Variants in DMD observed in about 807,000 individuals in gnomAD.
DMD encodes dystrophin, also known as mutant dystrophin.
A neutral mutation model predicts 330.1 loss-of-function variants in DMD; 63 were observed. That is an observed-to-expected ratio of 0.19 (90% CI 0.16 to 0.24). The LOEUF is 0.24. Among genes scored for constraint, DMD ranks in the 10% least tolerant of loss-of-function variants. The pLI, the probability that DMD is intolerant of heterozygous loss-of-function variation, is 1.00. For synonymous variants in DMD, 1,223 were observed against 959.8 expected (o/e 1.27, Z -5.07); for missense variants, 3,344 against 2,684.1 (o/e 1.25, Z -5.43).
chrX:32,715,510 G>C (rs1395739527), intron 7 of DMD, among the ~76,000 whole-genome samples: 1 of 103,277 alleles, frequency 9.7e-6, no homozygotes, highest in African/African-American at 3.7e-5. Flanking sequence ...ATCTTGACCA[G>C]GTGTGGTGGC....
Position 32,013,175 on chromosome X carries a change from C to T in DMD, c.6439-44661G>A, listed in dbSNP as rs185063895. On this transcript the variant is annotated intron_variant, in intron 44 of 78. Transcript: ENST00000357033. ...GATCTTGGCTCACTGCAACCTCCAC[C>T]TCCCAGGTTCAAACAATTCTCCTGC... 6.6e-3 allele frequency among the ~76,000 whole-genome samples: 664 copies of T among 100,464 alleles called. 3 individuals carry two copies. Among genetic ancestry groups the T allele is most frequent in the Middle Eastern group, 0.016 (3 of 187 alleles). 87.2% of individuals were successfully genotyped at this position (100,464 alleles called of 115,157 possible).
intron 44 of DMD, among the ~76,000 whole-genome samples, chrX:32,045,872 T>G (rs2096061100): frequency 8.9e-6 from 1 of 112,724 alleles, no homozygotes; most frequent in African/African-American, 3.2e-5. Context: ...TACCTCTACT[T>G]AATCCCACAG....
At chrX:32,803,405 A>C (rs1338555326) in intron 7 of DMD, among the ~76,000 whole-genome samples, 1 of 106,652 alleles carries the variant, frequency 9.4e-6, no homozygotes, top group Non-Finnish European at 1.9e-5. Context: ...TAATCTTTTC[A>C]AAAAAACAGC....
intron 52 of DMD, among the ~76,000 whole-genome samples, chrX:31,704,686 T>C (rs1336177382): frequency 9.0e-6 from 1 of 111,715 alleles, no homozygotes; most frequent in East Asian, 2.8e-4. Context: ...ACACATACGT[T>C]GCCAGAACTT....
chrX:32,290,410 A>C (rs1603630038), intron 42 of DMD, among the ~76,000 whole-genome samples: 1 of 112,576 alleles, frequency 8.9e-6, no homozygotes, highest in Middle Eastern at 4.6e-3. Flanking sequence ...TCCAAAGCTC[A>C]AACCTGTGCT....
intron 42 of DMD, among the ~76,000 whole-genome samples, chrX:32,308,217 T>C (rs1006135709): frequency 1.8e-5 from 2 of 111,166 alleles, no homozygotes; most frequent in Non-Finnish European, 3.8e-5. Context: ...AAGTAATTCT[T>C]TTAACATATT....
At position 32,857,887 on chromosome X, in the gene DMD, A is replaced by G. The variant is rs183776282; in HGVS notation, c.94-8067T>C. 2.7e-5 allele frequency among the ~76,000 whole-genome samples: 3 copies of G among 111,663 alleles called. No homozygotes were observed. In the Admixed American group the frequency reaches 2.9e-4, roughly 11 times the overall value. On this transcript the variant is annotated intron_variant, in intron 2 of 78. Transcript: ENST00000357033. Reference sequence around the variant, plus strand: ...GGGCCAAACTTAAATACATAGACCAAGGTCTTTTATAAGTCTTCTTTTAAA... The same window carrying G: ...GGGCCAAACTTAAATACATAGACCAGGGTCTTTTATAAGTCTTCTTTTAAA...
chrX:31,957,801 A>G (rs2095261475), intron 45 of DMD, among the ~76,000 whole-genome samples: 1 of 111,900 alleles, frequency 8.9e-6, no homozygotes, highest in Non-Finnish European at 1.9e-5. Flanking sequence ...TAGACTTATT[A>G]TACATATCTA....
intron 1 of DMD, among the ~76,000 whole-genome samples, chrX:33,088,751 CTT>C (rs1304065952): frequency 8.9e-6 from 1 of 111,967 alleles, no homozygotes; most frequent in Non-Finnish European, 1.9e-5. Context: ...GATATTAAAA[CTT>C]ATAATAAAAT....
rs773786369 is a variant in DMD at position 31,147,464 on chromosome X, C to T, written c.10608G>A (p.Leu3536=). Residue 3536 remains leucine (L), a synonymous_variant, in exon 75 of 79, where the codon CTG becomes CTA. Transcript: ENST00000357033. Reference sequence around the variant, plus strand: ...TTTCAGGAGGGGACGGCAGTGGGGACAGGCCTTTATGTTCGTGCTGCTGCT... The same window carrying T: ...TTTCAGGAGGGGACGGCAGTGGGGATAGGCCTTTATGTTCGTGCTGCTGCT... ...RLKQQHEHKG[L]SPLPSPPEMM... is the part of the protein sequence containing the mutation. 2 of 1,205,181 alleles carry T rather than the reference C, an allele frequency of 1.7e-6. No homozygotes were observed. The highest frequency in any genetic ancestry group is 4.4e-5 in the Admixed American group (2 of 45,720).
chrX:32,435,298 T>TATATATATATATA (rs1158324376), intron 29 of DMD, among the ~76,000 whole-genome samples: 113 of 61,663 alleles, frequency 1.8e-3, no homozygotes, highest in African/African-American at 5.3e-3. Context: ...ATATATATAT[T>TATATATATATATA]TACACCCATA....
chrX:33,260,815 G>A (rs1444514283), intron 1 of DMD, among the ~76,000 whole-genome samples: 1 of 111,092 alleles, frequency 9.0e-6, no homozygotes, highest in Non-Finnish European at 1.9e-5. Context: ...AGGTTGTAAG[G>A]TACTGTAGTA....
intron 45 of DMD, among the ~76,000 whole-genome samples, chrX:31,952,765 C>A (rs1002015565): frequency 8.1e-5 from 9 of 111,780 alleles, no homozygotes; most frequent in Non-Finnish European, 1.3e-4. Flanking sequence ...TTGAACGTAT[C>A]GTAAATTTTT....
rs186641526 is a variant in DMD, at chrX:31,953,894, G to C, written c.6614+14445C>G. Among the ~76,000 whole-genome samples the C allele has an allele frequency of 5.4e-5, 6 of 111,674 alleles. No homozygotes were observed. In the East Asian group the frequency reaches 1.7e-3, roughly 32 times the overall value. ...CAAAGGTAATAAACACAGGTGGGAA[G>C]ATAGGTGATTATTACCCAGCATTTA... On this transcript the variant is annotated intron_variant, in intron 45 of 78. Coordinates refer to ENST00000357033, the MANE Select transcript of DMD (RefSeq NM_004006.3).
chrX:32,068,836 C>T (rs147081904), intron 44 of DMD, among the ~76,000 whole-genome samples: 1,376 of 111,253 alleles, frequency 0.012, 37 homozygotes, highest in African/African-American at 0.042. Context: ...TCTGAGATCA[C>T]CCACCATAAT....
Position 32,687,365 on chromosome X carries a change from G to A in DMD, c.960+10505C>T, listed in dbSNP as rs756469391. ...GGATACAATATGTTTCATCTTACATGTTATTCTTCGGATGTAACACTGATA... is the reference window on the plus strand; with the variant it reads ...GGATACAATATGTTTCATCTTACATATTATTCTTCGGATGTAACACTGATA... On this transcript the variant is annotated intron_variant, in intron 9 of 78. Transcript: ENST00000357033. Among the ~76,000 whole-genome samples the A allele has an allele frequency of 5.4e-5, 6 of 111,888 alleles. No homozygotes were observed. The South Asian group carries it at 1.5e-3, about 28-fold the overall frequency.
At chrX:31,933,424 C>G (rs764423429) in intron 45 of DMD, among the ~76,000 whole-genome samples, 1 of 112,363 alleles carries the variant, frequency 8.9e-6, no homozygotes, top group Non-Finnish European at 1.9e-5. Context: ...GCATATAACT[C>G]TATGCTAATT....
At chrX:31,694,637 T>TA (rs1470784910) in intron 52 of DMD, among the ~76,000 whole-genome samples, 2 of 90,427 alleles carry the variant, frequency 2.2e-5, no homozygotes, top group African/African-American at 8.9e-5. Flanking sequence ...TATATATATA[T>TA]ATATATATAT....
At chrX:32,882,166 C>G (rs2084015374) in intron 2 of DMD, among the ~76,000 whole-genome samples, 1 of 111,933 alleles carries the variant, frequency 8.9e-6, no homozygotes, top group Non-Finnish European at 1.9e-5. Flanking sequence ...GCCCTTCCTG[C>G]TATCCCAGAG....
Sources: gnomAD v4.1 joint callset for allele counts (sites outside exome capture counted in the v4.1 genomes callset) on GRCh38, gnomAD v4.1.1 for gene constraint, MANE v1.5 for transcripts, NCBI Gene and HGNC (gene_info 2026-07-23, HGNC 2026-07-21) for gene names.